Variants in ADGRD1 observed in about 807,000 individuals in gnomAD.
The protein encoded by ADGRD1 is adhesion G protein-coupled receptor D1, also known as G-protein coupled receptor 133.
In ADGRD1, 77 loss-of-function variants were observed where a neutral mutation model predicts 113.4. That is an observed-to-expected ratio of 0.68 (90% CI 0.57 to 0.82). ADGRD1 has a LOEUF of 0.82. Ranked by LOEUF, ADGRD1 falls within the 40% of genes least tolerant of loss-of-function variation. ADGRD1 has a pLI of 0.00. For missense variants in ADGRD1, 1,036 were observed against 1,139.1 expected (o/e 0.91, Z 1.30); for synonymous variants, 474 against 475.0 (o/e 1.00, Z 0.03).
intron 13 of ADGRD1, among the ~76,000 whole-genome samples, chr12:131,017,192 C>T (rs979437254): frequency 3.9e-5 from 6 of 152,072 alleles, no homozygotes; most frequent in Admixed American, 1.3e-4. Flanking sequence ...TACATGCACA[C>T]GCATACACAC....
chr12:131,074,696 C>T (rs1288371158), intron 13 of ADGRD1, among the ~76,000 whole-genome samples: 1 of 152,212 alleles, frequency 6.6e-6, no homozygotes, highest in Admixed American at 6.5e-5. Context: ...CATTTGTTCC[C>T]AGTCAGTGGG....
chr12:131,087,795 G>A (rs1265191861), intron 15 of ADGRD1, among the ~76,000 whole-genome samples: 1 of 152,232 alleles, frequency 6.6e-6, no homozygotes, highest in African/African-American at 2.4e-5. Context: ...CCATGTGGAG[G>A]TGGGCCCTTC....
intron 8 of ADGRD1, among the ~76,000 whole-genome samples, chr12:130,996,328 G>T (rs1426800487): frequency 7.4e-6 from 1 of 134,978 alleles, no homozygotes; most frequent in African/African-American, 2.7e-5. Flanking sequence ...GGGCAGAGGG[G>T]CTCCTCACTT....
rs745354273 is a variant in ADGRD1, at chr12:131,118,399, A to G, written c.2056A>G (p.Ile686Val). 1 of 1,611,734 alleles carries G rather than the reference A, an allele frequency of 6.2e-7. No homozygotes were observed. Among genetic ancestry groups the G allele is most frequent in the South Asian group, 1.1e-5 (1 of 90,558 alleles). Residue 686 changes from isoleucine to valine, a missense_variant, in exon 19 of 25, where the codon ATC becomes GTC. Transcript: ENST00000261654. ...YGMGWGFPLL[I>V]CIISLSFAMD... is the part of the protein sequence containing the mutation. ...ATCTTCTGCAGGTTTTCCTCTTCTG[A>G]TCTGCATCATTTCACTGTCATTTGC...
chr12:130,964,855 A>G (rs1221587052), intron 2 of ADGRD1, among the ~76,000 whole-genome samples: 2 of 151,910 alleles, frequency 1.3e-5, no homozygotes, highest in East Asian at 3.9e-4. Flanking sequence ...TTGAGTGTGA[A>G]TCTCCTCTCT....
At chr12:131,098,259 C>T (rs1419353363) in intron 15 of ADGRD1, among the ~76,000 whole-genome samples, 2 of 115,018 alleles carry the variant, frequency 1.7e-5, no homozygotes, top group African/African-American at 2.7e-5. Context: ...AGTCCAATCC[C>T]GAGCGGGGAG....
At chr12:130,979,861 A>T (rs925350617) in intron 4 of ADGRD1, among the ~76,000 whole-genome samples, 2 of 149,626 alleles carry the variant, frequency 1.3e-5, no homozygotes, top group Non-Finnish European at 3.0e-5. Context: ...ACACACACAC[A>T]CTGGAGTTTA....
chr12:130,965,529 C>T lies in ADGRD1; in HGVS notation c.104-934C>T, dbSNP rs536134353. 2.0e-5 allele frequency among the ~76,000 whole-genome samples: 3 copies of T among 152,120 alleles called. No homozygotes were observed. Among genetic ancestry groups the T allele is most frequent in the Non-Finnish European group, 2.9e-5 (2 of 68,006 alleles). ...GAATGAATCCCAGAGGACTAATCCCCGAGAAGACTAAAATTGTATGCATAA... is the reference window on the plus strand; with the variant it reads ...GAATGAATCCCAGAGGACTAATCCCTGAGAAGACTAAAATTGTATGCATAA... On this transcript the variant is annotated intron_variant, in intron 2 of 24. Transcript: ENST00000261654. This position sits in a 1 kb window ranked among gnomAD's most constrained non-coding sequence, Gnocchi z 4.8.
rs1489722545 is a variant in ADGRD1 at position 131,003,679 on chromosome 12, T to C, written c.1144+377T>C. Among the ~76,000 whole-genome samples, 6 of 152,228 alleles carry C rather than the reference T, an allele frequency of 3.9e-5. No individual in the cohort carries two copies. Among genetic ancestry groups the C allele is most frequent in the African/African-American group, 1.4e-4 (6 of 41,462 alleles). ...GGCTCCAGGGTAATTGTCACAGTTG[T>C]CTAATTGTAGAGGCAGAGGTGATGA... On this transcript the variant is annotated intron_variant, in intron 10 of 24. Coordinates refer to ENST00000261654, the MANE Select transcript of ADGRD1 (RefSeq NM_198827.5). The surrounding 1 kb of genome is among the most constrained non-coding windows in gnomAD (Gnocchi z 4.8).
chr12:131,136,186 G>A (rs2136111167), intron 22 of ADGRD1, 23 bp downstream of exon 22: 1 of 1,612,468 alleles, frequency 6.2e-7, no homozygotes, highest in East Asian at 2.2e-5. Context: ...GGGACTGGCG[G>A]GGAGGCAGGG....
chr12:131,116,419 C>A (rs377474827), intron 18 of ADGRD1, among the ~76,000 whole-genome samples: 1 of 143,518 alleles, frequency 7.0e-6, no homozygotes, highest in Non-Finnish European at 1.5e-5. Flanking sequence ...ATTTCAGAGA[C>A]AAGACTGTCC....
intron 13 of ADGRD1, among the ~76,000 whole-genome samples, chr12:131,066,760 G>A (rs929903577): frequency 1.3e-5 from 2 of 152,186 alleles, no homozygotes; most frequent in African/African-American, 4.8e-5. Flanking sequence ...TGGATGGGGG[G>A]ATCGTGGGGC....
chr12:131,131,460 C>A (rs981915551), intron 20 of ADGRD1, among the ~76,000 whole-genome samples: 4 of 152,232 alleles, frequency 2.6e-5, no homozygotes, highest in Non-Finnish European at 4.4e-5. Flanking sequence ...CAGGCTCATG[C>A]CCTCATGCCC....
At chr12:131,126,731 C>G (rs1342654858) in intron 20 of ADGRD1, among the ~76,000 whole-genome samples, 1 of 152,172 alleles carries the variant, frequency 6.6e-6, no homozygotes, top group African/African-American at 2.4e-5. Flanking sequence ...TCCAGTTTTT[C>G]TTCTGCAGTG....
chr12:131,138,595 GCTGCTTCCCCC>G (rs949681834), intron 24 of ADGRD1, among the ~76,000 whole-genome samples: 1 of 152,128 alleles, frequency 6.6e-6, no homozygotes, highest in African/African-American at 2.4e-5. Context: ...TCACTGTGCC[GCTGCTTCCCCC>G]CTGCTGGAGC....
intron 13 of ADGRD1, among the ~76,000 whole-genome samples, chr12:131,056,844 G>A (rs1465235848): frequency 4.6e-5 from 7 of 152,148 alleles, no homozygotes; most frequent in African/African-American, 1.7e-4. Flanking sequence ...GCTTCTGGAT[G>A]CAAGCAGGTG....
At position 130,981,970 on chromosome 12, in the gene ADGRD1, G is replaced by C; in HGVS notation, c.397G>C (p.Gly133Arg). ...SAYGGQVISN[G>R]FKVCSSGGRG... ...GTATGGGGGACAGGTCATCTCCAAT[G>C]GGTTCAAAGTCTGCTCCAGCGGTGG... The change falls in exon 5 of 25, where the codon GGG becomes CGG. Residue 133 changes from glycine (G) to arginine (R), a missense_variant. Physicochemically the swap from Gly to Arg is moderately radical, Grantham distance 125. Transcript: ENST00000261654. 1 of 1,613,730 alleles carries C rather than the reference G, an allele frequency of 6.2e-7. No homozygotes were observed. Among genetic ancestry groups the C allele is most frequent in the Non-Finnish European group, 8.5e-7 (1 of 1,179,628 alleles).
At chr12:131,123,609 C>G (rs1335755993) in intron 20 of ADGRD1, among the ~76,000 whole-genome samples, 1 of 151,820 alleles carries the variant, frequency 6.6e-6, no homozygotes, top group Non-Finnish European at 1.5e-5. Flanking sequence ...ATCATGAGGT[C>G]AGGAGATCGA....
chr12:131,033,363 T>C (rs1166062212), intron 13 of ADGRD1, among the ~76,000 whole-genome samples: 3 of 152,236 alleles, frequency 2.0e-5, no homozygotes, highest in Non-Finnish European at 4.4e-5. Context: ...CCACAAGCAC[T>C]GCCCAAGCAC....
Sources: gnomAD v4.1 joint callset for allele counts (sites outside exome capture counted in the v4.1 genomes callset) on GRCh38, gnomAD v4.1.1 for gene constraint, Gnocchi (gnomAD v3.1) non-coding constraint, MANE v1.5 for transcripts, NCBI Gene and HGNC (gene_info 2026-07-23, HGNC 2026-07-21) for gene names.